The following CSMD1 variants were observed in gnomAD, a reference collection of about 807,000 sequenced individuals.
CSMD1 encodes CUB and sushi domain-containing protein 1.
Under a neutral mutation model 417.5 loss-of-function variants are expected in CSMD1, and 213 were observed. The ratio of observed to expected loss-of-function variants is 0.51; its 90% confidence interval spans 0.46 to 0.57. The LOEUF is 0.57. Among genes scored for constraint, CSMD1 ranks in the 20% least tolerant of loss-of-function variants. The pLI is 0.00. For synonymous variants in CSMD1, 2,862 were observed against 1,736.8 expected, an observed-to-expected ratio of 1.65 and a Z score of -16.11; for missense variants, 6,923 against 4,529.7, an observed-to-expected ratio of 1.53 and a Z score of -15.17.
chr8:4,929,450 G>C (rs778255466), intron 1 of CSMD1, among the ~76,000 whole-genome samples: 1 of 152,148 alleles, frequency 6.6e-6, no homozygotes, highest in African/African-American at 2.4e-5. Context: ...AATTCACAAA[G>C]ATATATCTAA....
At position 3,408,135 on chromosome 8, in the gene CSMD1, C is replaced by A; in HGVS notation, c.1835G>T (p.Trp612Leu). 1.2e-6 allele frequency: 2 copies of A among 1,613,428 alleles called. No individual in the cohort carries two copies. The highest frequency in any genetic ancestry group is 1.7e-6 in the Non-Finnish European group (2 of 1,179,634). ...ACTTCCTGGCTCCGAGATAATCAAC[C>A]AGACACAGTTCATGTTGTTCCCATA... Reference protein sequence around the residue: ...EEYGNNMNCVWLIISEPGSRI... With the variant: ...EEYGNNMNCVLLIISEPGSRI... The change falls in exon 14 of 70, where the codon TGG becomes TTG. Residue 612 changes from tryptophan (W) to leucine (L), a missense_variant. Transcript: ENST00000635120.
At chr8:3,730,039 T>A (rs1295616571) in intron 6 of CSMD1, among the ~76,000 whole-genome samples, 11 of 150,198 alleles carry the variant, frequency 7.3e-5, no homozygotes, top group African/African-American at 2.7e-4. Context: ...GCGCTGCAAG[T>A]GTTTCCACAG....
In CSMD1 at chr8:3,936,583, A is replaced by T. The variant is rs143977166; in HGVS notation, c.818+61320T>A. ...CCGGGAAGATAGCACATCTCTTTAT[A>T]GCATGGTTTACTGAATATTTTAAGG... On this transcript the variant is annotated intron_variant, in intron 5 of 69. Coordinates refer to ENST00000635120, the MANE Select transcript of CSMD1 (RefSeq NM_033225.6). 1.8e-3 allele frequency among the ~76,000 whole-genome samples: 269 copies of T among 152,280 alleles called. 1 individual carries two copies. Among genetic ancestry groups the T allele is most frequent in the Non-Finnish European group, 2.9e-3 (199 of 68,028 alleles).
chr8:3,986,103 A>G (rs1454391097), intron 5 of CSMD1, among the ~76,000 whole-genome samples: 1 of 151,926 alleles, frequency 6.6e-6, no homozygotes, highest in Non-Finnish European at 1.5e-5. Flanking sequence ...CGTATCTGGG[A>G]GCTACAAGTT....
intron 26 of CSMD1, among the ~76,000 whole-genome samples, chr8:3,276,186 C>T (rs1343557279): frequency 1.3e-5 from 2 of 151,940 alleles, no homozygotes; most frequent in African/African-American, 4.8e-5. Flanking sequence ...GAGTACTCGG[C>T]CGTGTGAGGT....
At chr8:4,987,884 G>C (rs922185330) in intron 1 of CSMD1, among the ~76,000 whole-genome samples, 8 of 152,160 alleles carry the variant, frequency 5.3e-5, no homozygotes, top group Non-Finnish European at 1.0e-4. Flanking sequence ...TCACCTATTG[G>C]ACTCTTGGAC....
intron 1 of CSMD1, among the ~76,000 whole-genome samples, chr8:4,697,254 G>A (rs1345827232): frequency 1.3e-5 from 2 of 152,088 alleles, no homozygotes; most frequent in Non-Finnish European, 2.9e-5. Flanking sequence ...TGCTGTAAAG[G>A]CCCTTAGAAC....
chr8:4,046,558 G>A (rs1173801102), intron 3 of CSMD1, among the ~76,000 whole-genome samples: 2 of 152,138 alleles, frequency 1.3e-5, no homozygotes, highest in African/African-American at 2.4e-5. Flanking sequence ...TAGTATAACT[G>A]TGGGCTTCCA....
At chr8:4,058,433 G>A (rs544592257) in intron 3 of CSMD1, among the ~76,000 whole-genome samples, 5 of 152,116 alleles carry the variant, frequency 3.3e-5, no homozygotes, top group East Asian at 1.9e-4. Flanking sequence ...GGAGATTTTC[G>A]GCTGGGACAA....
chr8:3,840,777 C>T (rs905276931), intron 5 of CSMD1, among the ~76,000 whole-genome samples: 6 of 150,470 alleles, frequency 4.0e-5, no homozygotes, highest in Non-Finnish European at 5.9e-5. Context: ...TTCACTGCAA[C>T]GTCCGCCTCC....
Position 3,366,796 on chromosome 8 carries a change from G to A in CSMD1, c.3115+236C>T, listed in dbSNP as rs114774598. On this transcript the variant is annotated intron_variant, in intron 20 of 69. Transcript: ENST00000635120. ...ACATCTACAGATTTTTCAAAGACGA[G>A]AATTCACAAATTGTGTAACACAAAG... Among the ~76,000 whole-genome samples, 376 of 152,278 alleles carry A rather than the reference G, an allele frequency of 2.5e-3. 3 individuals are homozygous for A. The highest frequency in any genetic ancestry group is 8.7e-3 in the African/African-American group (363 of 41,564).
At chr8:4,945,688 C>G (rs950177864) in intron 1 of CSMD1, among the ~76,000 whole-genome samples, 3 of 152,036 alleles carry the variant, frequency 2.0e-5, no homozygotes, top group Admixed American at 1.3e-4. Context: ...GAGAACTTGG[C>G]ATTAACAAAG....
chr8:3,751,919 A>C (rs1045973441), intron 6 of CSMD1, among the ~76,000 whole-genome samples: 1 of 152,218 alleles, frequency 6.6e-6, no homozygotes, highest in Non-Finnish European at 1.5e-5. Flanking sequence ...AACCTAACTG[A>C]CTATAGGATC....
chr8:4,254,103 G>C (rs181307006), intron 3 of CSMD1, among the ~76,000 whole-genome samples: 15 of 151,844 alleles, frequency 9.9e-5, no homozygotes, highest in African/African-American at 3.4e-4. Flanking sequence ...GTTTTTAGTA[G>C]AGACAGGGTT....
At chr8:4,728,643 G>C (rs973829158) in intron 1 of CSMD1, among the ~76,000 whole-genome samples, 2 of 152,096 alleles carry the variant, frequency 1.3e-5, no homozygotes, top group Admixed American at 6.5e-5. Context: ...ATGTATGTTA[G>C]AGAATCTTAA....
chr8:3,282,977 C>T (rs183644897), intron 26 of CSMD1, among the ~76,000 whole-genome samples: 16 of 152,226 alleles, frequency 1.1e-4, no homozygotes, highest in African/African-American at 3.6e-4. Flanking sequence ...TCCACGGTGC[C>T]ATCCGAAGGG....
intron 3 of CSMD1, among the ~76,000 whole-genome samples, chr8:4,063,316 ATAATT>A (rs571280472): frequency 6.0e-4 from 91 of 152,264 alleles, no homozygotes; most frequent in Middle Eastern, 6.8e-3. Context: ...AATGTAAAAA[ATAATT>A]TAAAGATAAA....
At chr8:4,904,700 G>A (rs1021893420) in intron 1 of CSMD1, among the ~76,000 whole-genome samples, 1 of 151,980 alleles carries the variant, frequency 6.6e-6, no homozygotes, top group Non-Finnish European at 1.5e-5. Flanking sequence ...AACTAAAATG[G>A]AAGAAAGTAA....
chr8:4,933,479 A>G (rs1381255474), intron 1 of CSMD1, among the ~76,000 whole-genome samples: 1 of 152,226 alleles, frequency 6.6e-6, no homozygotes, highest in Non-Finnish European at 1.5e-5. Flanking sequence ...GAGAACTGTC[A>G]GTGCAGAAGG....
Sources: gnomAD v4.1 joint callset for allele counts (sites outside exome capture counted in the v4.1 genomes callset) on GRCh38, gnomAD v4.1.1 for gene constraint, MANE v1.5 for transcripts, NCBI Gene and HGNC (gene_info 2026-07-23, HGNC 2026-07-21) for gene names.